The following SF3A2 variants were observed in gnomAD, a reference collection of about 807,000 sequenced individuals.
SF3A2 encodes splicing factor 3a subunit 2.
SF3A2 carries 5 observed loss-of-function variants against 31.1 expected under a neutral mutation model. That is an observed-to-expected ratio of 0.16 (90% CI 0.08 to 0.34). SF3A2 has a LOEUF of 0.34. Ranked by LOEUF, SF3A2 falls within the 10% of genes least tolerant of loss-of-function variation. The pLI is 1.00. For synonymous variants in SF3A2, 365 were observed against 263.7 expected (o/e 1.38, Z -3.72); for missense variants, 577 against 643.9 (o/e 0.90, Z 1.13).
In SF3A2 at chr19:2,247,810, C is replaced by T; in HGVS notation, c.659C>T (p.Pro220Leu). 2 of 1,609,418 alleles carry T rather than the reference C, an allele frequency of 1.2e-6. No individual in the cohort carries two copies. Among genetic ancestry groups the T allele is most frequent in the Non-Finnish European group, 1.7e-6 (2 of 1,178,934 alleles). ...FHFKMEKPPA[P>L]PSLPAGPPGV... Reference sequence around the variant, plus strand: ...TTTAAGATGGAGAAGCCCCCGGCTCCACCCAGCCTCCCTGCTGGCCCCCCT... The same window carrying T: ...TTTAAGATGGAGAAGCCCCCGGCTCTACCCAGCCTCCCTGCTGGCCCCCCT... Residue 220 changes from proline (P) to leucine (L), a missense_variant, in exon 9 of 9, where the codon CCA becomes CTA. By Grantham distance (98) the Pro-to-Leu change is moderately conservative. This residue lies in a region of SF3A2 where 462 missense variants were observed against 339.1 expected (regional missense o/e 1.36). Transcript: ENST00000221494.
chr19:2,247,694 C>T (rs764221979), intron 8 of SF3A2, 32 bp downstream of exon 8: 5 of 1,612,280 alleles, frequency 3.1e-6, no homozygotes, highest in Non-Finnish European at 4.2e-6. Context: ...TGGCTCCTTC[C>T]CACCCAGCCC....
intron 1 of SF3A2, among the ~76,000 whole-genome samples, chr19:2,241,941 C>G (rs2024893270): frequency 6.6e-6 from 1 of 152,152 alleles, no homozygotes; most frequent in Non-Finnish European, 1.5e-5. Context: ...GTCCACCTCA[C>G]CAGTTACCAT....
Position 2,244,600 on chromosome 19 carries a change from A to G in SF3A2, c.183A>G (p.Thr61=), listed in dbSNP as rs367772398. The change falls in exon 3 of 9, where the codon ACA becomes ACG. Residue 61 remains threonine, a synonymous_variant. Coordinates refer to ENST00000221494, the MANE Select transcript of SF3A2 (RefSeq NM_007165.5). The part of the protein sequence containing the change: ...LGSYECKLCL[T]LHNNEGSYLA... ...CCTATGAATGCAAACTCTGCCTGAC[A>G]CTTCACAACAATGAGGTGCGGCCTC... The G allele has an allele frequency of 5.6e-6, 9 of 1,613,962 alleles. No individual in the cohort carries two copies. The highest frequency in any genetic ancestry group is 1.7e-5 in the Admixed American group (1 of 59,996).
rs1302525023 is a variant in SF3A2, at chr19:2,246,428, C to T, written c.356-325C>T. On this transcript the variant is annotated intron_variant, in intron 5 of 8. Transcript: ENST00000221494. This position sits in a 1 kb window ranked among gnomAD's most constrained non-coding sequence, Gnocchi z 5.5. ...CGCTCGAATCCCAGAGCCAGGGTGC[C>T]GAGGGCCCCTCCCTACCCAGTGGCC... 3.3e-5 allele frequency among the ~76,000 whole-genome samples: 5 copies of T among 152,072 alleles called. No individual in the cohort carries two copies. The highest frequency in any genetic ancestry group is 2.0e-4 in the Admixed American group (3 of 15,276).
rs10402644 is a variant in SF3A2, at chr19:2,245,089, G to A, written c.245+310G>A. The A allele has an allele frequency of 3.7e-3, 1,876 of 507,628 alleles. 25 individuals are homozygous for A. The highest frequency in any genetic ancestry group is 0.032 in the African/African-American group (1,673 of 52,074). The allele number at this position is 507,628 out of a possible 1,614,324, so 31.4% of individuals were successfully genotyped here. On this transcript the variant is annotated intron_variant, in intron 4 of 8. Transcript: ENST00000221494. The surrounding 1 kb of genome is among the most constrained non-coding windows in gnomAD (Gnocchi z 4.2). ...TAATCACAGCTACTATGGAGGCTGA[G>A]GCAGGAGAATCTTGAATCTGGGAGG...
Position 2,247,998 on chromosome 19 carries a change from C to T in SF3A2, c.847C>T (p.Pro283Ser), listed in dbSNP as rs1410902355. The T allele has an allele frequency of 5.3e-6, 5 of 951,326 alleles. No homozygotes were observed. The South Asian group carries it at 6.8e-5, about 13-fold the overall frequency. The allele number at this position is 951,326 out of a possible 1,614,324, so 58.9% of individuals were successfully genotyped here. The change falls in exon 9 of 9, where the codon CCA becomes TCA. Residue 283 changes from proline (P) to serine (S), a missense_variant. Pro to Ser is a moderately conservative substitution (Grantham distance 74). Transcript: ENST00000221494. ...CCCGGGACCACCCCAGCTACCCCCG[C>T]CAGCTCCAGGGGTCCACCCCCCGGC... ...GPPGPPQLPP[P>S]APGVHPPAPV...
At chr19:2,240,375 A>T (rs747089610) in intron 1 of SF3A2, among the ~76,000 whole-genome samples, 1 of 152,218 alleles carries the variant, frequency 6.6e-6, no homozygotes, top group Non-Finnish European at 1.5e-5. Flanking sequence ...CTGGGAATAA[A>T]GTTCTGATCT....
Position 2,244,796 on chromosome 19 carries a change from C to G in SF3A2, c.245+17C>G. ...GACCAACCTGTGAGTACCTCATGTCCCTTTGATGCCTGGTGCTCCAGCAGC... is the reference window on the plus strand; with the variant it reads ...GACCAACCTGTGAGTACCTCATGTCGCTTTGATGCCTGGTGCTCCAGCAGC... On this transcript the variant is annotated intron_variant, in intron 4 of 8. Transcript: ENST00000221494. 6.2e-7 allele frequency: 1 copy of G among 1,611,012 alleles called. No homozygotes were observed. The highest frequency in any genetic ancestry group is 8.5e-7 in the Non-Finnish European group (1 of 1,177,798).
In SF3A2 at chr19:2,247,656, C is replaced by G; in HGVS notation, c.609C>G (p.Thr203=). The change falls in exon 8 of 9, where the codon ACC becomes ACG. Residue 203 remains threonine (T), a synonymous_variant. Coordinates refer to ENST00000221494, the MANE Select transcript of SF3A2 (RefSeq NM_007165.5). ...GKFWTHWNRE[T]KQFFLQFHFK... ...TCTGGACACACTGGAACCGGGAGAC[C>G]AAGCAGGTGAGTGGCTCGCCCCGAG... is the stretch of plus-strand genomic sequence containing the variant. 2 of 1,613,406 alleles carry G rather than the reference C, an allele frequency of 1.2e-6. No homozygotes were observed. The highest frequency in any genetic ancestry group is 1.7e-6 in the Non-Finnish European group (2 of 1,179,740).
intron 3 of SF3A2, 26 bp downstream of exon 3, chr19:2,244,641 G>A (rs551867421): frequency 4.5e-5 from 73 of 1,612,306 alleles, no homozygotes; most frequent in African/African-American, 1.9e-4. Context: ...GGCTCCGGGC[G>A]GCTCGCGGCG....
rs2024934620 is a variant in SF3A2, at chr19:2,246,538, C to T, written c.356-215C>T. Among the ~76,000 whole-genome samples, 1 of 152,144 alleles carries T rather than the reference C, an allele frequency of 6.6e-6. No homozygotes were observed. The highest frequency in any genetic ancestry group is 2.1e-4 in the South Asian group (1 of 4,830). ...AAGGAGCACCATCCTCGGTCCCTGC[C>T]TGAGTGACTCCGCAGGTAGCTCAGC... On this transcript the variant is annotated intron_variant, in intron 5 of 8. Transcript: ENST00000221494. The surrounding 1 kb of genome is among the most constrained non-coding windows in gnomAD (Gnocchi z 5.5).
At position 2,247,193 on chromosome 19, in the gene SF3A2, C is replaced by G. The variant is rs1265383352; in HGVS notation, c.546+171C>G. On this transcript the variant is annotated intron_variant, in intron 7 of 8. Coordinates refer to ENST00000221494, the MANE Select transcript of SF3A2 (RefSeq NM_007165.5). Reference sequence around the variant, plus strand: ...GGCAGGGCACCTCTCCCATTGGGCTCTGCAGGAGGGCCTGCTTGGGCTCCA... The same window carrying G: ...GGCAGGGCACCTCTCCCATTGGGCTGTGCAGGAGGGCCTGCTTGGGCTCCA... The G allele has an allele frequency of 2.2e-3, 92 of 41,380 alleles. 1 individual carries two copies. In the South Asian group the frequency reaches 0.041, roughly 19 times the overall value. The allele number at this position is 41,380 out of a possible 1,614,324, so 2.6% of individuals were successfully genotyped here.
chr19:2,242,138 TGCC>T (rs2024895367), intron 1 of SF3A2, among the ~76,000 whole-genome samples: 3 of 146,676 alleles, frequency 2.0e-5, no homozygotes, highest in African/African-American at 8.0e-5. Context: ...CCTGCACACC[TGCC>T]GCCACTGTGG....
rs1300944441 is a variant in SF3A2, at chr19:2,245,027, A to G, written c.245+248A>G. ...TTGTGAAACTCCATCTCTACTAAAA[A>G]TACAAAAATTAGGCCAGGCATGGTG... On this transcript the variant is annotated intron_variant, in intron 4 of 8. Transcript: ENST00000221494. This position sits in a 1 kb window ranked among gnomAD's most constrained non-coding sequence, Gnocchi z 4.2. 1 of 560,168 alleles carries G rather than the reference A, an allele frequency of 1.8e-6. No individual in the cohort carries two copies. Among genetic ancestry groups the G allele is most frequent in the Non-Finnish European group, 3.2e-6 (1 of 313,398 alleles). The allele number at this position is 560,168 out of a possible 1,614,324, so 34.7% of individuals were successfully genotyped here.
chr19:2,248,206 C>G lies in SF3A2; in HGVS notation c.1055C>G (p.Pro352Arg). 6.8e-7 allele frequency: 1 copy of G among 1,466,394 alleles called. No individual in the cohort carries two copies. The highest frequency in any genetic ancestry group is 9.2e-7 in the Non-Finnish European group (1 of 1,092,342). The allele number at this position is 1,466,394 out of a possible 1,614,324, so 90.8% of individuals were successfully genotyped here. The stretch of plus-strand genomic sequence containing the variant: ...CACCCACCAGCCCCCGGAGTCCACC[C>G]ACCAGCCCCTGGGGTTCACCCACCA... ...GVHPPAPGVH[P>R]PAPGVHPPAP... Residue 352 changes from proline (P) to arginine (R), a missense_variant, in exon 9 of 9, where the codon CCA (proline) becomes CGA (arginine). Pro to Arg is a moderately radical substitution (Grantham distance 103, BLOSUM62 -2). Coordinates refer to ENST00000221494, the MANE Select transcript of SF3A2 (RefSeq NM_007165.5).
At chr19:2,247,731 C>G in intron 8 of SF3A2, 36 bp from the exon 9 acceptor site, 1 of 1,611,364 alleles carries the variant, frequency 6.2e-7, no homozygotes. Context: ...GCCCTAGCCC[C>G]ACCCGTGCCT....
Position 2,243,469 on chromosome 19 carries a change from C to T in SF3A2, c.51C>T (p.Ala17=). ...PGGKTGSGGV[A]SSSESNRDRR... The stretch of plus-strand genomic sequence containing the variant: ...GCAAGACCGGGAGCGGGGGCGTGGC[C>T]TCCTCCTCCGAGAGCAACCGTGACC... Residue 17 remains alanine, a synonymous_variant, in exon 2 of 9, where the codon GCC becomes GCT. Transcript: ENST00000221494. The T allele has an allele frequency of 1.3e-6, 2 of 1,554,884 alleles. No individual in the cohort carries two copies. Among genetic ancestry groups the T allele is most frequent in the South Asian group, 1.2e-5 (1 of 83,936 alleles).
intron 7 of SF3A2, 142 bp downstream of exon 7, chr19:2,247,164 G>C: frequency 1.1e-6 from 1 of 877,296 alleles, no homozygotes; most frequent in Non-Finnish European, 1.7e-6. Flanking sequence ...GTCTGCACAG[G>C]CCGGGCAGGG....
intron 2 of SF3A2, among the ~76,000 whole-genome samples, chr19:2,244,010 G>A (rs1053449032): frequency 2.0e-5 from 3 of 152,204 alleles, no homozygotes; most frequent in African/African-American, 7.2e-5. Flanking sequence ...ATGAGGTCAT[G>A]GGTAGAGGGG....
Sources: gnomAD v4.1 joint callset for allele counts (sites outside exome capture counted in the v4.1 genomes callset) on GRCh38, gnomAD v4.1.1 for gene constraint, gnomAD v4.1.1 regional missense constraint, Gnocchi (gnomAD v3.1) non-coding constraint, MANE v1.5 for transcripts, NCBI Gene and HGNC (gene_info 2026-07-23, HGNC 2026-07-21) for gene names.